Variants in PRKDC observed in about 807,000 individuals in gnomAD.
PRKDC encodes protein kinase, DNA-activated, catalytic subunit.
PRKDC carries 82 observed loss-of-function variants against 486.9 expected under a neutral mutation model. The observed-to-expected ratio is 0.17, with a 90% CI of 0.14 to 0.20. PRKDC has a LOEUF of 0.20. Among genes scored for constraint, PRKDC ranks in the 10% least tolerant of loss-of-function variants. PRKDC has a pLI of 1.00. For missense variants in PRKDC, 4,504 were observed against 5,038.2 expected (o/e 0.89, Z 3.21); for synonymous variants, 1,895 against 1,837.0 (o/e 1.03, Z -0.81).
In PRKDC at chr8:47,854,296, T is replaced by C. The variant is rs1476215018; in HGVS notation, c.6762-82A>G. ...AGGAAGACAAATACAGAATTTTATT[T>C]TTTTGAGACAGAGTCTGACTCTCGC... On this transcript the variant is annotated intron_variant, in intron 50 of 85. Coordinates refer to ENST00000314191, the MANE Select transcript of PRKDC (RefSeq NM_006904.7). The C allele has an allele frequency of 5.3e-6, 8 of 1,506,504 alleles. No individual in the cohort carries two copies. In the African/African-American group the frequency reaches 1.1e-4, roughly 21 times the overall value. The allele number at this position is 1,506,504 out of a possible 1,614,324, so 93.3% of individuals were successfully genotyped here. A position where few individuals can be genotyped will look rare whatever the true frequency, so the allele number is the denominator to read the frequency against.
At chr8:47,867,507 A>G (rs1279159806) in intron 40 of PRKDC, among the ~76,000 whole-genome samples, 3 of 152,362 alleles carry the variant, frequency 2.0e-5, no homozygotes, top group Admixed American at 6.5e-5. Flanking sequence ...TAAGAAAATT[A>G]TAGCTAAAAT....
At chr8:47,811,172 T>C (rs1477498609) in intron 68 of PRKDC, among the ~76,000 whole-genome samples, 1 of 152,110 alleles carries the variant, frequency 6.6e-6, no homozygotes, top group Non-Finnish European at 1.5e-5. Context: ...AAAAAAATCT[T>C]GAATGCAGCC....
Position 47,840,134 on chromosome 8 carries a change from A to T in PRKDC, c.7336T>A (p.Leu2446Ile). ...AGTTCTCGGAGTTCTACTGGTTTTA[A>T]CTTTGGCATCATCTTATAAATTATG... ...LDIIYKMMPK[L>I]KPVELRELLN... Residue 2446 changes from leucine to isoleucine, a missense_variant, in exon 55 of 86, where the codon TTA becomes ATA. Around this residue, in one of 6 missense-constraint regions of PRKDC, gnomAD observed 1,592 missense variants for 1,724.6 expected, o/e 0.92. Coordinates refer to ENST00000314191, the MANE Select transcript of PRKDC (RefSeq NM_006904.7). The T allele has an allele frequency of 6.3e-7, 1 of 1,599,830 alleles. No homozygotes were observed. Among genetic ancestry groups the T allele is most frequent in the Non-Finnish European group, 8.5e-7 (1 of 1,171,944 alleles).
chr8:47,788,974 T>C lies in PRKDC; in HGVS notation c.10834A>G (p.Arg3612Gly). The stretch of plus-strand genomic sequence containing the variant: ...GGGTCACCCAAGGCTGCATACATTC[T>C]TTCATACATTTTTTCAATGTTTTTT... Reference protein sequence around the residue: ...NKKNIEKMYERMYAALGDPKA... With the variant: ...NKKNIEKMYEGMYAALGDPKA... The change falls in exon 76 of 86, where the codon AGA becomes GGA. Residue 3612 changes from arginine (R) to glycine (G), a missense_variant. Arg to Gly is a moderately radical substitution (Grantham distance 125). Around this residue, in one of 6 missense-constraint regions of PRKDC, gnomAD observed 706 missense variants for 945.0 expected, o/e 0.75. Coordinates refer to ENST00000314191, the MANE Select transcript of PRKDC (RefSeq NM_006904.7). 2 of 1,613,656 alleles carry C rather than the reference T, an allele frequency of 1.2e-6. No homozygotes were observed. Among genetic ancestry groups the C allele is most frequent in the East Asian group, 2.2e-5 (1 of 44,876 alleles).
At chr8:47,912,586 A>G in intron 24 of PRKDC, 24 bp from the exon 25 acceptor site, 1 of 1,555,584 alleles carries the variant, frequency 6.4e-7, no homozygotes, top group Non-Finnish European at 8.7e-7. Context: ...GGAGGTCAGC[A>G]ATGTTTAAGT....
chr8:47,817,091 TA>T, intron 68 of PRKDC, among the ~76,000 whole-genome samples: 1 of 152,136 alleles, frequency 6.6e-6, no homozygotes, highest in Non-Finnish European at 1.5e-5. Flanking sequence ...ATCCTAGTTA[TA>T]AAAAATAGGA....
Position 47,837,283 on chromosome 8 carries a change from C to A in PRKDC, c.7690G>T (p.Glu2564Ter). 1.9e-6 allele frequency: 3 copies of A among 1,613,794 alleles called. No individual in the cohort carries two copies. The highest frequency in any genetic ancestry group is 2.5e-6 in the Non-Finnish European group (3 of 1,179,810). ...TAATCTGGGCTCATGCTGGTCATTT[C>A]GAGCAGAAAATTTGTTGCTAAACTT... ...FLSLATNFLL[E>*]MTSMSPDYPN... Residue 2564 changes from glutamate to a stop codon, truncating the protein, a stop_gained, in exon 57 of 86, where the codon GAA becomes TAA. Coordinates refer to ENST00000314191, the MANE Select transcript of PRKDC (RefSeq NM_006904.7). LOFTEE classifies it high-confidence loss of function.
In PRKDC at chr8:47,957,390, G is replaced by A; in HGVS notation, c.196C>T (p.Leu66Phe). 1 of 1,596,534 alleles carries A rather than the reference G, an allele frequency of 6.3e-7. No individual in the cohort carries two copies. The highest frequency in any genetic ancestry group is 8.5e-7 in the Non-Finnish European group (1 of 1,170,788). ...TTGAGTGACTTCCGGACAAATACAA[G>A]CAAACCGAAATCTCTGGAAAAAACT... Reference protein sequence around the residue: ...SLVFSRDFGLLVFVRKSLNSI... With the variant: ...SLVFSRDFGLFVFVRKSLNSI... The change falls in exon 2 of 86, where the codon CTT becomes TTT. Residue 66 changes from leucine to phenylalanine, a missense_variant. Leu to Phe is a conservative substitution (Grantham distance 22). Transcript: ENST00000314191.
At chr8:47,953,584 T>G in intron 7 of PRKDC, 36 bp downstream of exon 7, 2 of 1,557,268 alleles carry the variant, frequency 1.3e-6, no homozygotes, top group Non-Finnish European at 1.8e-6. Flanking sequence ...ACTTACAGTT[T>G]TTGAATAAAG....
chr8:47,792,824 T>C (rs1044569209), intron 74 of PRKDC, among the ~76,000 whole-genome samples: 1 of 152,222 alleles, frequency 6.6e-6, no homozygotes, highest in Admixed American at 6.5e-5. Context: ...TGTTGACGTT[T>C]TGACGTATAT....
chr8:47,950,334 T>C (rs1029224959), intron 7 of PRKDC, among the ~76,000 whole-genome samples: 1 of 150,790 alleles, frequency 6.6e-6, no homozygotes, highest in Non-Finnish European at 1.5e-5. Flanking sequence ...CTTAAGATTA[T>C]TTTAGGATCG....
At chr8:47,911,541 C>T (rs1482565006) in intron 25 of PRKDC, among the ~76,000 whole-genome samples, 1 of 152,200 alleles carries the variant, frequency 6.6e-6, no homozygotes, top group East Asian at 1.9e-4. Context: ...GAACATACTG[C>T]TGGACTATAT....
chr8:47,957,766 G>A (rs534168717), intron 1 of PRKDC, among the ~76,000 whole-genome samples: 8 of 152,114 alleles, frequency 5.3e-5, no homozygotes, highest in Non-Finnish European at 7.4e-5. Flanking sequence ...AGCCCGCCTC[G>A]GCCTCCCAAA....
intron 36 of PRKDC, 63 bp from the exon 37 acceptor site, chr8:47,882,160 T>A (rs1317559553): frequency 1.4e-6 from 2 of 1,436,334 alleles, no homozygotes; most frequent in African/African-American, 1.4e-5. Context: ...GAAAACAAAA[T>A]TTACCTTTAT....
intron 40 of PRKDC, among the ~76,000 whole-genome samples, chr8:47,871,186 G>A (rs549602994): frequency 6.6e-6 from 1 of 152,230 alleles, no homozygotes; most frequent in African/African-American, 2.4e-5. Context: ...TAATAACAGA[G>A]AACTTTCCAA....
intron 34 of PRKDC, among the ~76,000 whole-genome samples, chr8:47,887,971 T>A (rs143954314): frequency 2.6e-4 from 40 of 152,300 alleles, no homozygotes; most frequent in African/African-American, 9.1e-4. Flanking sequence ...TCCTCCCACC[T>A]CAGCCTCCTG....
At chr8:47,793,929 C>G (rs2086932753) in intron 74 of PRKDC, among the ~76,000 whole-genome samples, 2 of 152,162 alleles carry the variant, frequency 1.3e-5, no homozygotes, top group African/African-American at 4.8e-5. Context: ...GACAGGATGA[C>G]ACTTGAGGCC....
Position 47,777,835 on chromosome 8 carries a change from G to C in PRKDC, c.11893C>G (p.Arg3965Gly). Residue 3965 changes from arginine to glycine, a missense_variant, in exon 84 of 86, where the codon CGC becomes GGC. This residue lies in a region of PRKDC where 706 missense variants were observed against 945.0 expected (regional missense o/e 0.75). Coordinates refer to ENST00000314191, the MANE Select transcript of PRKDC (RefSeq NM_006904.7). Reference sequence around the variant, plus strand: ...GGTAACATCAGATTGATAAACTGGCGAGTTAGCCGAAAAGGCATCAACTCA... The same window carrying C: ...GGTAACATCAGATTGATAAACTGGCCAGTTAGCCGAAAAGGCATCAACTCA... Reference protein sequence around the residue: ...VPELMPFRLTRQFINLMLPMK... With the variant: ...VPELMPFRLTGQFINLMLPMK... 1 of 1,613,978 alleles carries C rather than the reference G, an allele frequency of 6.2e-7. No individual in the cohort carries two copies. The highest frequency in any genetic ancestry group is 8.5e-7 in the Non-Finnish European group (1 of 1,179,896).
intron 14 of PRKDC, 28 bp downstream of exon 14, chr8:47,934,981 T>G: frequency 6.8e-7 from 1 of 1,472,366 alleles, no homozygotes; most frequent in South Asian, 1.3e-5. Context: ...AACAGATTAA[T>G]TTTCTAAACA....
Sources: gnomAD v4.1 joint callset for allele counts (sites outside exome capture counted in the v4.1 genomes callset) on GRCh38, gnomAD v4.1.1 for gene constraint, gnomAD v4.1.1 regional missense constraint, MANE v1.5 for transcripts, NCBI Gene and HGNC (gene_info 2026-07-23, HGNC 2026-07-21) for gene names.